Variants in ANKRD42 observed in about 807,000 individuals in gnomAD.
ANKRD42 encodes ankyrin repeat domain 42, also known as ankyrin repeat domain-containing protein 42.
ANKRD42 carries 43 observed loss-of-function variants against 51.5 expected under a neutral mutation model. The observed-to-expected ratio is 0.83, with a 90% CI of 0.65 to 1.08. ANKRD42 has a LOEUF of 1.08. Ranked by LOEUF, ANKRD42 falls within the 50% of genes least tolerant of loss-of-function variation. The pLI is 0.00. For missense variants in ANKRD42, 608 were observed against 629.3 expected, an observed-to-expected ratio of 0.97 and a Z score of 0.36; for synonymous variants, 203 against 213.0, an observed-to-expected ratio of 0.95 and a Z score of 0.41.
intron 7 of ANKRD42, among the ~76,000 whole-genome samples, chr11:83,233,521 A>G (rs1051781447): frequency 1.3e-5 from 2 of 151,986 alleles, no homozygotes; most frequent in African/African-American, 4.8e-5. Flanking sequence ...TTAACTTTTC[A>G]GAAAAAGCCC....
chr11:83,251,388 T>C (rs1471475787), downstream of ANKRD42, among the ~76,000 whole-genome samples: 2 of 152,238 alleles, frequency 1.3e-5, no homozygotes, highest in African/African-American at 2.4e-5. Context: ...ACTTAACTTA[T>C]GTTAATAACA....
At position 83,210,399 on chromosome 11, in the gene ANKRD42, A is replaced by G. The variant is rs544031789; in HGVS notation, c.430A>G (p.Ile144Val). The G allele has an allele frequency of 8.0e-5, 129 of 1,614,016 alleles. 2 individuals are homozygous for G. In the South Asian group the frequency reaches 1.3e-3, roughly 17 times the overall value. ...ATHGHSFTLQ[I>V]MLRSGVDPSV... ...TCATGGACATTCTTTCACTTTACAAATAATGCTCCGAAGTGGAGTGGTGAG... is the reference window on the plus strand; with the variant it reads ...TCATGGACATTCTTTCACTTTACAAGTAATGCTCCGAAGTGGAGTGGTGAG... Residue 144 changes from isoleucine (I) to valine (V), a missense_variant, in exon 4 of 11, where the codon ATA becomes GTA. By Grantham distance (29) the Ile-to-Val change is conservative. Transcript: ENST00000533342.
chr11:83,197,127 C>T (rs117319093), intron 1 of ANKRD42, among the ~76,000 whole-genome samples: 10 of 151,362 alleles, frequency 6.6e-5, no homozygotes, highest in Non-Finnish European at 1.3e-4. Flanking sequence ...CAGATGCTCT[C>T]GTTCCCATTT....
intron 5 of ANKRD42, among the ~76,000 whole-genome samples, chr11:83,222,084 A>T (rs1862733921): frequency 6.6e-6 from 1 of 152,178 alleles, no homozygotes; most frequent in Admixed American, 6.5e-5. Context: ...TTGGATATGG[A>T]AGTCCAATTC....
intron 3 of ANKRD42, chr11:83,209,367 C>CA: frequency 6.6e-7 from 1 of 1,512,226 alleles, no homozygotes; most frequent in Non-Finnish European, 9.0e-7. Flanking sequence ...AGGTTGGCAG[C>CA]GCGGGGCTGC....
intron 5 of ANKRD42, among the ~76,000 whole-genome samples, chr11:83,211,744 G>C (rs1053186632): frequency 1.1e-4 from 17 of 152,162 alleles, no homozygotes; most frequent in African/African-American, 4.1e-4. Flanking sequence ...TGAGGCTACA[G>C]TGAGCTGTGA....
intron 7 of ANKRD42, among the ~76,000 whole-genome samples, chr11:83,229,536 G>A (rs1048288685): frequency 3.9e-5 from 6 of 152,134 alleles, no homozygotes; most frequent in African/African-American, 1.4e-4. Context: ...AGTAAATTAA[G>A]TTTCATTGAT....
chr11:83,232,606 T>C (rs1395023373), intron 7 of ANKRD42, among the ~76,000 whole-genome samples: 5 of 152,198 alleles, frequency 3.3e-5, no homozygotes, highest in African/African-American at 9.6e-5. Flanking sequence ...GTCTTATTGC[T>C]CTAGCTGGGA....
At chr11:83,240,955 G>T (rs752122106) in intron 9 of ANKRD42, 21 bp downstream of exon 9, 1 of 1,594,030 alleles carries the variant, frequency 6.3e-7, no homozygotes, top group Non-Finnish European at 8.5e-7. Flanking sequence ...TGCCTCTGTT[G>T]TGATTTATCC....
rs561758728 is a variant in ANKRD42, at chr11:83,206,540, A to G, written c.330+375A>G. On this transcript the variant is annotated intron_variant, in intron 3 of 10. Transcript: ENST00000533342. Reference sequence around the variant, plus strand: ...AGGCCTTTTGGGAGGTTATTAGGTCATGAGGGGTTTGCCCTCATAAATGGG... The same window carrying G: ...AGGCCTTTTGGGAGGTTATTAGGTCGTGAGGGGTTTGCCCTCATAAATGGG... Among the ~76,000 whole-genome samples, 5 of 152,306 alleles carry G rather than the reference A, an allele frequency of 3.3e-5. No individual in the cohort carries two copies. The South Asian group carries it at 1.0e-3, about 32-fold the overall frequency.
intron 5 of ANKRD42, chr11:83,213,169 C>T: frequency 1.2e-6 from 2 of 1,601,510 alleles, no homozygotes; most frequent in Non-Finnish European, 1.7e-6. Flanking sequence ...AATCTTGATG[C>T]CCAACATTGG....
At chr11:83,231,909 C>A (rs1486115541) in intron 7 of ANKRD42, among the ~76,000 whole-genome samples, 1 of 151,002 alleles carries the variant, frequency 6.6e-6, no homozygotes. Flanking sequence ...ATTAGTCGGG[C>A]ATGATGGTGT....
At chr11:83,223,560 G>A (rs79037911) in intron 5 of ANKRD42, among the ~76,000 whole-genome samples, 6,002 of 152,142 alleles carry the variant, frequency 0.039, 392 homozygotes, top group African/African-American at 0.14. Context: ...TAACCGAGAC[G>A]GGGAGATAAT....
chr11:83,248,375 T>C lies in ANKRD42; in HGVS notation c.*171T>C, dbSNP rs2135560746. On this transcript the variant is annotated 3_prime_UTR_variant, in exon 11 of 11. Transcript: ENST00000533342. Reference sequence around the variant, plus strand: ...ATAACTTTCTAGATACATACACACATCTGTCTATCTATCTTCAAACAGCAG... The same window carrying C: ...ATAACTTTCTAGATACATACACACACCTGTCTATCTATCTTCAAACAGCAG... 1.5e-6 allele frequency: 2 copies of C among 1,320,360 alleles called. No individual in the cohort carries two copies. The highest frequency in any genetic ancestry group is 3.0e-5 in the African/African-American group (2 of 66,016). The allele number at this position is 1,320,360 out of a possible 1,614,324, so 81.8% of individuals were successfully genotyped here.
At chr11:83,262,874 T>G (rs1565205795), downstream of ANKRD42, among the ~76,000 whole-genome samples, 2 of 152,216 alleles carry the variant, frequency 1.3e-5, no homozygotes, top group Non-Finnish European at 2.9e-5. Context: ...TTACAGCCAC[T>G]GGGCAATTAT....
chr11:83,257,174 G>T, downstream of ANKRD42: 1 of 365,220 alleles, frequency 2.7e-6, no homozygotes, highest in Non-Finnish European at 5.4e-6. Flanking sequence ...TCTTGTCAGG[G>T]CAAACTAGTT....
At chr11:83,210,079 C>T in intron 3 of ANKRD42, 1 of 431,900 alleles carries the variant, frequency 2.3e-6, no homozygotes, top group Non-Finnish European at 4.1e-6. Flanking sequence ...ATGTTAAAAG[C>T]CTTGATTAGA....
intron 5 of ANKRD42, among the ~76,000 whole-genome samples, chr11:83,216,526 G>C (rs1247332879): frequency 6.6e-6 from 1 of 151,702 alleles, no homozygotes; most frequent in African/African-American, 2.4e-5. Flanking sequence ...GGGTTTCACC[G>C]TGTTAGCCAG....
intron 3 of ANKRD42, among the ~76,000 whole-genome samples, chr11:83,206,461 C>T (rs1177070948): frequency 6.6e-6 from 1 of 152,160 alleles, no homozygotes. Flanking sequence ...TGTTTGTGTC[C>T]TCCAAAATAA....
Sources: allele counts gnomAD v4.1 joint callset (sites outside exome capture counted in the v4.1 genomes callset), GRCh38; gene constraint gnomAD v4.1.1; transcripts MANE v1.5; gene names NCBI Gene and HGNC (gene_info 2026-07-23, HGNC 2026-07-21).